CDK5RAP2: variants seen among roughly 807,000 people sequenced by gnomAD.
CDK5RAP2 encodes the protein CDK5 regulatory subunit-associated protein 2.
Under a neutral mutation model 232.9 loss-of-function variants are expected in CDK5RAP2, and 147 were observed. The observed-to-expected ratio is 0.63, with a 90% CI of 0.55 to 0.72. CDK5RAP2 has a LOEUF of 0.72. CDK5RAP2 is among the 30% of genes least tolerant of loss of function. CDK5RAP2 has a pLI of 0.00. For missense variants in CDK5RAP2, 2,195 were observed against 2,231.5 expected, an observed-to-expected ratio of 0.98 and a Z score of 0.33; for synonymous variants, 833 against 833.7, an observed-to-expected ratio of 1.00 and a Z score of 0.01.
At chr9:120,515,239 C>T (rs1358046594) in intron 12 of CDK5RAP2, among the ~76,000 whole-genome samples, 1 of 152,158 alleles carries the variant, frequency 6.6e-6, no homozygotes, top group African/African-American at 2.4e-5. Flanking sequence ...ACATGCAGCT[C>T]TATAAATGGA....
intron 12 of CDK5RAP2, among the ~76,000 whole-genome samples, chr9:120,504,096 G>A (rs1326765486): frequency 6.6e-6 from 1 of 152,154 alleles, no homozygotes; most frequent in Non-Finnish European, 1.5e-5. Context: ...GGGAATCAAA[G>A]TACAATTCTG....
At chr9:120,447,620 G>A (rs529701705) in intron 22 of CDK5RAP2, among the ~76,000 whole-genome samples, 7 of 152,140 alleles carry the variant, frequency 4.6e-5, no homozygotes, top group Non-Finnish European at 8.8e-5. Context: ...GGGCATCTGC[G>A]GACAATCCTT....
intron 36 of CDK5RAP2, 81 bp from the exon 37 acceptor site, chr9:120,389,868 G>C: frequency 6.2e-6 from 8 of 1,300,034 alleles, no homozygotes; most frequent in African/African-American, 1.5e-5. Flanking sequence ...CAGGGAGGAT[G>C]AACCCCACCC....
At chr9:120,400,916 C>A in intron 34 of CDK5RAP2, 31 bp from the exon 35 acceptor site, 1 of 1,613,646 alleles carries the variant, frequency 6.2e-7, no homozygotes, top group South Asian at 1.1e-5. Context: ...CTGTTACGTG[C>A]AGTCTTGAAA....
chr9:120,453,739 A>G lies in CDK5RAP2; in HGVS notation c.2510T>C (p.Val837Ala). 1 of 1,614,222 alleles carries G rather than the reference A, an allele frequency of 6.2e-7. No individual in the cohort carries two copies. The highest frequency in any genetic ancestry group is 8.5e-7 in the Non-Finnish European group (1 of 1,180,022). Residue 837 changes from valine (V) to alanine (A), a missense_variant, in exon 21 of 38, where the codon GTC (valine) becomes GCC (alanine). Coordinates refer to ENST00000349780, the MANE Select transcript of CDK5RAP2 (RefSeq NM_018249.6). ...TGGCTTGGAAAATGAGTTGGTTTGG[A>G]CAAAATGTACAAGTTCACCTTTTTG... is the stretch of plus-strand genomic sequence containing the variant. ...PKQKGELVHF[V>A]QTNSFSKPHD... is the part of the protein sequence containing the mutation.
At chr9:120,472,708 T>C (rs1023018444) in intron 15 of CDK5RAP2, among the ~76,000 whole-genome samples, 1 of 152,168 alleles carries the variant, frequency 6.6e-6, no homozygotes, top group African/African-American at 2.4e-5. Flanking sequence ...AGAGCTTGCA[T>C]GGACTAGAAG....
intron 8 of CDK5RAP2, among the ~76,000 whole-genome samples, chr9:120,529,192 T>C (rs1211211423): frequency 6.6e-6 from 1 of 152,260 alleles, no homozygotes; most frequent in Non-Finnish European, 1.5e-5. Context: ...GCACAGGCCC[T>C]GCTCCATGAA....
rs1357517634 is a variant in CDK5RAP2 at position 120,518,607 on chromosome 9, T to C, written c.1131A>G (p.Glu377=). 6.2e-7 allele frequency: 1 copy of C among 1,613,708 alleles called. No individual in the cohort carries two copies. The highest frequency in any genetic ancestry group is 8.5e-7 in the Non-Finnish European group (1 of 1,180,004). The change falls in exon 12 of 38, where the codon GAA becomes GAG. Residue 377 remains glutamate, a synonymous_variant. Transcript: ENST00000349780. ...EDYETALSGK[E]ALSAALRSQN... ...GTGAGCGCAGCGCAGCCGAAAGGGC[T>C]TCCTTTCCTGATAGAGCAGTCTCAT... is the stretch of plus-strand genomic sequence containing the variant.
chr9:120,405,359 G>T (rs2033361551), intron 32 of CDK5RAP2, among the ~76,000 whole-genome samples: 2 of 152,332 alleles, frequency 1.3e-5, no homozygotes, highest in African/African-American at 4.8e-5. Flanking sequence ...TCTCCTGGAT[G>T]CCTCTTGCCA....
intron 29 of CDK5RAP2, among the ~76,000 whole-genome samples, chr9:120,410,304 G>C (rs922645612): frequency 6.6e-6 from 1 of 152,032 alleles, no homozygotes; most frequent in East Asian, 1.9e-4. Context: ...CTTCCTGAAC[G>C]GCCTAGACTC....
intron 6 of CDK5RAP2, among the ~76,000 whole-genome samples, chr9:120,538,109 AC>A (rs1423308933): frequency 6.6e-6 from 1 of 152,184 alleles, no homozygotes; most frequent in Non-Finnish European, 1.5e-5. Context: ...ACCACTTCTG[AC>A]CTATACTATG....
chr9:120,408,465 C>A lies in CDK5RAP2; in HGVS notation c.4608G>T (p.Val1536=), dbSNP rs1313820742. The A allele has an allele frequency of 8.1e-6, 13 of 1,614,054 alleles. No homozygotes were observed. Among genetic ancestry groups the A allele is most frequent in the South Asian group, 1.1e-5 (1 of 91,088 alleles). The part of the protein sequence containing the change: ...VRCSGQELSR[V]QEEVKLRQQL... ...GCTGCCTCAACTTCACCTCCTCCTG[C>A]ACCCTGAGAAGGCCCCACAGGCATG... Residue 1536 remains valine, a synonymous_variant, in exon 31 of 38, where the codon GTG becomes GTT. Transcript: ENST00000349780.
At chr9:120,481,514 T>C (rs78989516) in intron 14 of CDK5RAP2, among the ~76,000 whole-genome samples, 2 of 149,144 alleles carry the variant, frequency 1.3e-5, no homozygotes, top group African/African-American at 2.5e-5. Context: ...TTTTTTTTTT[T>C]TTCTTTTTTT....
At chr9:120,490,771 TC>T (rs2131633403) in intron 13 of CDK5RAP2, among the ~76,000 whole-genome samples, 1 of 152,340 alleles carries the variant, frequency 6.6e-6, no homozygotes, top group Non-Finnish European at 1.5e-5. Flanking sequence ...TCCTAGTTAG[TC>T]CCTGTGGGTT....
intron 12 of CDK5RAP2, among the ~76,000 whole-genome samples, chr9:120,497,421 TAAA>T (rs71385064): frequency 1.5e-3 from 35 of 23,290 alleles, no homozygotes; most frequent in Admixed American, 2.6e-3. Context: ...AAAATAAATT[TAAA>T]AAAAAAAAAA....
At chr9:120,456,083 G>A (rs2036757338) in intron 20 of CDK5RAP2, among the ~76,000 whole-genome samples, 1 of 152,026 alleles carries the variant, frequency 6.6e-6, no homozygotes, top group African/African-American at 2.4e-5. Flanking sequence ...AAAAATAAAG[G>A]GAAAAAAATT....
rs758657325 is a variant in CDK5RAP2, at chr9:120,453,470, C to T, written c.2779G>A (p.Gly927Ser). 1 of 1,610,512 alleles carries T rather than the reference C, an allele frequency of 6.2e-7. No homozygotes were observed. Among genetic ancestry groups the T allele is most frequent in the Non-Finnish European group, 8.5e-7 (1 of 1,178,982 alleles). ...GAAAAACTTACTCTGTTGGTAATAC[C>T]AGGGAGGGAAAGGAGGGCAGCCTGC... is the stretch of plus-strand genomic sequence containing the variant. ...GWQAALLSLP[G>S]ITNREAKKSR... Residue 927 changes from glycine to serine, a missense_variant, in exon 21 of 38, where the codon GGT becomes AGT. Coordinates refer to ENST00000349780, the MANE Select transcript of CDK5RAP2 (RefSeq NM_018249.6).
Position 120,528,769 on chromosome 9 carries a change from C to G in CDK5RAP2, c.854G>C (p.Arg285Thr), listed in dbSNP as rs772563178. 1 of 1,609,850 alleles carries G rather than the reference C, an allele frequency of 6.2e-7. No individual in the cohort carries two copies. Among genetic ancestry groups the G allele is most frequent in the South Asian group, 1.1e-5 (1 of 90,990 alleles). ...CTGGATCCTCTCTTCAAAGCTGTTT[C>G]TCTCCTTCTGATGCTCCATTTGTGC... The part of the protein sequence containing the change: ...EAAQMEHQKE[R>T]NSFEERIQAL... The change falls in exon 9 of 38, where the codon AGA becomes ACA. Residue 285 changes from arginine to threonine, a missense_variant. Transcript: ENST00000349780.
intron 2 of CDK5RAP2, among the ~76,000 whole-genome samples, chr9:120,568,769 G>A (rs2042740535): frequency 6.6e-6 from 1 of 152,080 alleles, no homozygotes; most frequent in Non-Finnish European, 1.5e-5. Flanking sequence ...GCAGGGGTTG[G>A]CAAACTTTTT....
Sources: allele counts gnomAD v4.1 joint callset (sites outside exome capture counted in the v4.1 genomes callset), GRCh38; gene constraint gnomAD v4.1.1; transcripts MANE v1.5; gene names NCBI Gene and HGNC (gene_info 2026-07-23, HGNC 2026-07-21).